Variants in MOB2 observed in about 807,000 individuals in gnomAD.
The protein encoded by MOB2 is MOB2 Mps One Binder homolog.
MOB2 carries 14 observed loss-of-function variants against 27.4 expected under a neutral mutation model. The observed-to-expected ratio is 0.51, with a 90% CI of 0.34 to 0.80. The LOEUF (loss-of-function observed/expected upper bound fraction) is 0.80, where lower values mean the gene tolerates loss of function less well. Among genes scored for constraint, MOB2 ranks in the 30% least tolerant of loss-of-function variants. MOB2 has a pLI of 0.01. For synonymous variants in MOB2, 167 were observed against 151.8 expected (o/e 1.10, Z -0.74); for missense variants, 304 against 354.6 (o/e 0.86, Z 1.15).
At position 1,474,518 on chromosome 11, in the gene MOB2, G is replaced by C. The variant is rs531886703; in HGVS notation, c.366-3099C>G. ...AGGGATAGGTCAGCGTTTGGTTTTTGACACAAATGACTGCTTTTCCCAGCA... is the reference window on the plus strand; with the variant it reads ...AGGGATAGGTCAGCGTTTGGTTTTTCACACAAATGACTGCTTTTCCCAGCA... On this transcript the variant is annotated intron_variant, in intron 3 of 4. Coordinates refer to ENST00000329957, the MANE Select transcript of MOB2 (RefSeq NM_001172223.3). Among the ~76,000 whole-genome samples the C allele has an allele frequency of 3.9e-5, 6 of 152,348 alleles. No homozygotes were observed. In the South Asian group the frequency reaches 1.2e-3, roughly 32 times the overall value.
Position 1,470,164 on chromosome 11 carries a change from CG to C in MOB2, c.*7del. On this transcript the variant is annotated 3_prime_UTR_variant, in exon 5 of 5. Transcript: ENST00000329957. The stretch of plus-strand genomic sequence containing the variant: ...TGCACACGTGTGCCCCTGTCCGGCC[CG>C]GGGGGCTCATCTCTCCTTCACGTGG... 4 of 1,587,294 alleles carry C rather than the reference CG, an allele frequency of 2.5e-6. No homozygotes were observed. Among genetic ancestry groups the C allele is most frequent in the Non-Finnish European group, 3.4e-6 (4 of 1,167,412 alleles).
chr11:1,482,055 C>T (rs1847921385), intron 1 of MOB2, among the ~76,000 whole-genome samples: 1 of 152,164 alleles, frequency 6.6e-6, no homozygotes, highest in African/African-American at 2.4e-5. Context: ...TGGGCCTGGC[C>T]CTGACCACCG....
intron 1 of MOB2, among the ~76,000 whole-genome samples, chr11:1,482,323 C>G (rs1847924265): frequency 6.6e-6 from 1 of 152,258 alleles, no homozygotes; most frequent in Non-Finnish European, 1.5e-5. Flanking sequence ...CGCTCACTCT[C>G]AGGGTGTGCC....
intron 1 of MOB2, among the ~76,000 whole-genome samples, chr11:1,484,029 C>A (rs1847943960): frequency 2.0e-5 from 3 of 152,330 alleles, no homozygotes; most frequent in Admixed American, 6.5e-5. Context: ...ACGAGGACAG[C>A]ACAACCGAGT....
At chr11:1,483,536 C>T (rs1847938854) in intron 1 of MOB2, among the ~76,000 whole-genome samples, 1 of 152,196 alleles carries the variant, frequency 6.6e-6, no homozygotes. Context: ...CAGATGGAAC[C>T]ACCTCCTTCC....
chr11:1,477,518 G>A (rs746089887), intron 3 of MOB2, among the ~76,000 whole-genome samples: 3 of 152,162 alleles, frequency 2.0e-5, no homozygotes, highest in South Asian at 2.1e-4. Context: ...TTTGGGAGGC[G>A]ATGAGGTTGC....
Position 1,470,178 on chromosome 11 carries a change from C to A in MOB2, c.801G>T (p.Glu267Asp), listed in dbSNP as rs1847766072. The A allele has an allele frequency of 6.2e-7, 1 of 1,601,156 alleles. No individual in the cohort carries two copies. The highest frequency in any genetic ancestry group is 8.5e-7 in the Non-Finnish European group (1 of 1,174,302). Residue 267 changes from glutamate to aspartate, a missense_variant, in exon 5 of 5, where the codon GAG (glutamate) becomes GAT (aspartate). Glu to Asp is a conservative substitution (Grantham distance 45). Transcript: ENST00000329957. Reference protein sequence around the residue: ...GGPGAQNHVKER With the variant: ...GGPGAQNHVKDR ...CCTGTCCGGCCCGGGGGGCTCATCT[C>A]TCCTTCACGTGGTTCTGTGCTCCCG...
intron 2 of MOB2, 115 bp from the exon 3 acceptor site, chr11:1,480,601 CG>C: frequency 8.5e-6 from 13 of 1,527,748 alleles, no homozygotes; most frequent in Non-Finnish European, 1.2e-5. Flanking sequence ...TGCCCGTCCA[CG>C]GGCCACATTC....
chr11:1,484,692 G>C (rs1031052843), intron 1 of MOB2, among the ~76,000 whole-genome samples: 4 of 152,052 alleles, frequency 2.6e-5, no homozygotes, highest in Admixed American at 6.5e-5. Flanking sequence ...TGGGTGTTGA[G>C]GGGGGGCCTG....
intron 3 of MOB2, among the ~76,000 whole-genome samples, chr11:1,477,283 T>C (rs1847861992): frequency 6.6e-6 from 1 of 152,218 alleles, no homozygotes; most frequent in South Asian, 2.1e-4. Context: ...TCTAATTAGA[T>C]AACCTTCTTA....
At chr11:1,479,039 T>C (rs143080461) in intron 3 of MOB2, among the ~76,000 whole-genome samples, 1,611 of 152,356 alleles carry the variant, frequency 0.011, 9 homozygotes, top group Non-Finnish European at 0.017. Context: ...CAGCTCCAGA[T>C]GAGAAGGACC....
chr11:1,475,011 G>A (rs1847837260), intron 3 of MOB2, among the ~76,000 whole-genome samples: 1 of 152,224 alleles, frequency 6.6e-6, no homozygotes, highest in South Asian at 2.1e-4. Flanking sequence ...CAACAGATCA[G>A]TTTGGGGGAG....
chr11:1,477,275 T>C (rs932966286), intron 3 of MOB2, among the ~76,000 whole-genome samples: 18 of 152,202 alleles, frequency 1.2e-4, no homozygotes, highest in Non-Finnish European at 2.4e-4. Flanking sequence ...GCTCCTTTTC[T>C]AATTAGATAA....
chr11:1,471,503 G>C, intron 3 of MOB2, 84 bp from the exon 4 acceptor site: 4 of 1,521,260 alleles, frequency 2.6e-6, no homozygotes, highest in Non-Finnish European at 3.5e-6. Flanking sequence ...GGTCATCTGC[G>C]GGCAGAGGTG....
At position 1,470,357 on chromosome 11, in the gene MOB2, T is replaced by C; in HGVS notation, c.622A>G (p.Thr208Ala). 1 of 1,613,632 alleles carries C rather than the reference T, an allele frequency of 6.2e-7. No homozygotes were observed. Among genetic ancestry groups the C allele is most frequent in the Non-Finnish European group, 8.5e-7 (1 of 1,179,896 alleles). ...LALELHGHLN[T>A]LYVHFILFAR... ...AAGAGGATGAAGTGGACGTAGAGCG[T>C]GTTCAAGTGTCCGTGCAGCTCCAGG... The change falls in exon 5 of 5, where the codon ACG (threonine) becomes GCG (alanine). Residue 208 changes from threonine to alanine, a missense_variant. Physicochemically the swap from Thr to Ala is moderately conservative, Grantham distance 58. Coordinates refer to ENST00000329957, the MANE Select transcript of MOB2 (RefSeq NM_001172223.3).
At chr11:1,480,368 T>C in intron 3 of MOB2, 25 bp downstream of exon 3, 1 of 1,607,786 alleles carries the variant, frequency 6.2e-7, no homozygotes, top group Admixed American at 1.7e-5. Flanking sequence ...CAAGAGAAAG[T>C]GGGCTGTAGC....
rs1279152607 is a variant in MOB2 at position 1,469,583 on chromosome 11, A to AC, written c.*588dup. Reference sequence around the variant, plus strand: ...CGTCCTGGCCTTGCCTGAGGACTGCACCATGGGTGTTCCTTGGGCATGGAG... The same window carrying AC: ...CGTCCTGGCCTTGCCTGAGGACTGCACCCATGGGTGTTCCTTGGGCATGGAG... On this transcript the variant is annotated 3_prime_UTR_variant, in exon 5 of 5. Coordinates refer to ENST00000329957, the MANE Select transcript of MOB2 (RefSeq NM_001172223.3). The AC allele has an allele frequency of 2.2e-5, 10 of 456,716 alleles. No homozygotes were observed. Among genetic ancestry groups the AC allele is most frequent in the Non-Finnish European group, 4.4e-5 (10 of 227,060 alleles). The allele number at this position is 456,716 out of a possible 1,614,324, so 28.3% of individuals were successfully genotyped here. A position where few individuals can be genotyped will look rare whatever the true frequency, so the allele number is the denominator to read the frequency against.
At chr11:1,471,586 C>G in intron 3 of MOB2, 167 bp from the exon 4 acceptor site, 1 of 734,814 alleles carries the variant, frequency 1.4e-6, no homozygotes, top group Non-Finnish European at 2.2e-6. Context: ...CACACACTGT[C>G]TGCGGGGACC....
intron 1 of MOB2, among the ~76,000 whole-genome samples, chr11:1,483,921 G>A (rs979384679): frequency 6.6e-6 from 1 of 152,176 alleles, no homozygotes; most frequent in African/African-American, 2.4e-5. Context: ...CAACACACAG[G>A]GGGTCTCACC....
Sources: allele counts gnomAD v4.1 joint callset (sites outside exome capture counted in the v4.1 genomes callset), GRCh38; gene constraint gnomAD v4.1.1; transcripts MANE v1.5; gene names NCBI Gene and HGNC (gene_info 2026-07-23, HGNC 2026-07-21).